The following DRC8 variants were observed in gnomAD, a reference collection of about 807,000 sequenced individuals.
DRC8 encodes dynein regulatory complex protein 8.
the DRC8 span, chr1:245,124,449 T>C: frequency 2.6e-5 from 4 of 152,218 alleles, no homozygotes; most frequent in African/African-American, 9.6e-5. Flanking sequence ...GAGCACGATA[T>C]GGTGAGCCAT....
At chr1:244,991,025 G>A in the DRC8 span, among the ~76,000 whole-genome samples, 3 of 152,110 alleles carry the variant, frequency 2.0e-5, no homozygotes, top group African/African-American at 4.8e-5. Flanking sequence ...GGTCCCACAA[G>A]ACCATTCCCT....
chr1:244,985,936 T>C, the DRC8 span, among the ~76,000 whole-genome samples: 1 of 151,986 alleles, frequency 6.6e-6, no homozygotes, highest in Admixed American at 6.6e-5. Flanking sequence ...GGACATCTGA[T>C]TTAAATTTTT....
chr1:245,073,411 C>T, the DRC8 span, among the ~76,000 whole-genome samples: 1 of 152,164 alleles, frequency 6.6e-6, no homozygotes, highest in Admixed American at 6.5e-5. Context: ...GCTGGGATTA[C>T]AGGCATGAGC....
the DRC8 span, among the ~76,000 whole-genome samples, chr1:245,120,608 C>CT: frequency 6.6e-6 from 1 of 151,986 alleles, no homozygotes; most frequent in South Asian, 2.1e-4. Flanking sequence ...GCCTGGTAGA[C>CT]TTTTGCTTAT....
At chr1:245,090,589 A>G in the DRC8 span, among the ~76,000 whole-genome samples, 1 of 152,210 alleles carries the variant, frequency 6.6e-6, no homozygotes, top group Non-Finnish European at 1.5e-5. Context: ...GTTACACAGC[A>G]GTAAGTGGCT....
At chr1:245,087,363 G>A in the DRC8 span, 1 of 1,573,400 alleles carries the variant, frequency 6.4e-7, no homozygotes, top group Non-Finnish European at 8.6e-7. Context: ...AAAATTAAAT[G>A]TTCTAAAGAT....
chr1:245,016,237 T>C, the DRC8 span, among the ~76,000 whole-genome samples: 3 of 152,180 alleles, frequency 2.0e-5, no homozygotes, highest in Non-Finnish European at 2.9e-5. Flanking sequence ...CTCCTCGGCC[T>C]CCCGAAGTGC....
At chr1:245,080,938 G>A in the DRC8 span, among the ~76,000 whole-genome samples, 1 of 152,082 alleles carries the variant, frequency 6.6e-6, no homozygotes, top group East Asian at 1.9e-4. Flanking sequence ...CCTCCTAGCC[G>A]CCAATGTGTC....
chr1:245,124,786 T>C, the DRC8 span: 2 of 152,328 alleles, frequency 1.3e-5, no homozygotes, highest in East Asian at 3.9e-4. Flanking sequence ...AAAATACAGC[T>C]TCGTCTCCCT....
chr1:245,103,657 A>G, the DRC8 span, among the ~76,000 whole-genome samples: 21 of 149,600 alleles, frequency 1.4e-4, no homozygotes, highest in Non-Finnish European at 2.8e-4. Flanking sequence ...GAGGCCAAGC[A>G]TTGTTTATTT....
At chr1:245,041,759 T>G in the DRC8 span, among the ~76,000 whole-genome samples, 1 of 152,112 alleles carries the variant, frequency 6.6e-6, no homozygotes, top group Non-Finnish European at 1.5e-5. Context: ...CCAATCTGAC[T>G]TGTGTCCTCC....
chr1:245,084,063 C>CCCCCCCCCA, the DRC8 span, among the ~76,000 whole-genome samples: 1 of 26,220 alleles, frequency 3.8e-5, no homozygotes, highest in African/African-American at 8.3e-5. Flanking sequence ...AAAAATTCCG[C>CCCCCCCCCA]CCCCCCCCCG....
At chr1:245,072,008 C>T in the DRC8 span, among the ~76,000 whole-genome samples, 3 of 152,234 alleles carry the variant, frequency 2.0e-5, no homozygotes, top group African/African-American at 7.2e-5. Context: ...TTGGTGAGGA[C>T]AGTGCAGCAC....
the DRC8 span, among the ~76,000 whole-genome samples, chr1:244,991,022 C>T: frequency 2.6e-5 from 4 of 152,114 alleles, no homozygotes; most frequent in African/African-American, 4.8e-5. Flanking sequence ...TTTGGTCCCA[C>T]AAGACCATTC....
the DRC8 span, among the ~76,000 whole-genome samples, chr1:245,076,932 G>T: frequency 6.6e-6 from 1 of 152,030 alleles, no homozygotes; most frequent in East Asian, 1.9e-4. Flanking sequence ...TCGCCGTGTT[G>T]GCCAGGATGG....
the DRC8 span, among the ~76,000 whole-genome samples, chr1:245,029,727 C>G: frequency 6.6e-6 from 1 of 152,034 alleles, no homozygotes; most frequent in African/African-American, 2.4e-5. Flanking sequence ...TCCCAAGTAG[C>G]TGGCATTACA....
the DRC8 span, among the ~76,000 whole-genome samples, chr1:245,046,599 G>A: frequency 6.6e-6 from 1 of 152,146 alleles, no homozygotes; most frequent in Admixed American, 6.6e-5. Context: ...AGGATCATTC[G>A]GTCATTTTTG....
chr1:245,108,102 C>T, the DRC8 span, among the ~76,000 whole-genome samples: 7 of 152,268 alleles, frequency 4.6e-5, no homozygotes, highest in South Asian at 1.0e-3. Context: ...AGAACACCTT[C>T]CTTTCCTTTA....
chr1:245,067,815 G>A, the DRC8 span, among the ~76,000 whole-genome samples: 1 of 152,192 alleles, frequency 6.6e-6, no homozygotes, highest in Non-Finnish European at 1.5e-5. Flanking sequence ...ATGAGAAAGG[G>A]TGGGAGTAAT....
Sources: allele counts gnomAD v4.1 joint callset (sites outside exome capture counted in the v4.1 genomes callset), GRCh38; gene constraint gnomAD v4.1.1; transcripts MANE v1.5; gene names NCBI Gene and HGNC (gene_info 2026-07-23, HGNC 2026-07-21).